Variants in EYS observed in about 807,000 individuals in gnomAD.
EYS encodes protein eyes shut homolog.
EYS carries 250 observed loss-of-function variants against 282.1 expected under a neutral mutation model. The observed-to-expected ratio is 0.89, with a 90% CI of 0.80 to 0.98. The LOEUF is 0.98. Ranked by LOEUF, EYS falls within the 50% of genes least tolerant of loss-of-function variation. EYS has a pLI of 0.00. For missense variants in EYS, 4,016 were observed against 3,709.0 expected, an observed-to-expected ratio of 1.08 and a Z score of -2.15; for synonymous variants, 1,355 against 1,282.9, an observed-to-expected ratio of 1.06 and a Z score of -1.20.
At chr6:64,819,230 G>A (rs1241276429) in intron 21 of EYS, among the ~76,000 whole-genome samples, 1 of 152,014 alleles carries the variant, frequency 6.6e-6, no homozygotes, top group African/African-American at 2.4e-5. Flanking sequence ...GGTCAGGTAG[G>A]AAATATATCT....
chr6:64,615,066 G>A (rs1282260915), intron 24 of EYS, among the ~76,000 whole-genome samples: 1 of 152,034 alleles, frequency 6.6e-6, no homozygotes, highest in African/African-American at 2.4e-5. Context: ...CTATTCTAGT[G>A]CTAGAATGCC....
intron 33 of EYS, among the ~76,000 whole-genome samples, chr6:64,020,495 T>A (rs1769137711): frequency 6.6e-6 from 1 of 152,142 alleles, no homozygotes; most frequent in African/African-American, 2.4e-5. Context: ...TAAGGTAGAT[T>A]ATGTTCACTA....
chr6:63,733,620 T>C (rs575940473), intron 41 of EYS, among the ~76,000 whole-genome samples: 2 of 152,334 alleles, frequency 1.3e-5, no homozygotes, highest in East Asian at 3.9e-4. Flanking sequence ...TTTTCAATGA[T>C]GCTAGTAAGA....
intron 5 of EYS, among the ~76,000 whole-genome samples, chr6:65,432,970 C>A: frequency 6.6e-6 from 1 of 151,874 alleles, no homozygotes. Flanking sequence ...GGAAGATAGA[C>A]TGGTAATTAA....
intron 22 of EYS, among the ~76,000 whole-genome samples, chr6:64,753,004 G>C (rs556076139): frequency 2.2e-4 from 33 of 152,194 alleles, no homozygotes; most frequent in Non-Finnish European, 4.4e-4. Flanking sequence ...GCTAAACAAG[G>C]CTTAATACAT....
At chr6:64,150,391 T>A (rs111664787) in intron 31 of EYS, among the ~76,000 whole-genome samples, 37 of 152,336 alleles carry the variant, frequency 2.4e-4, no homozygotes, top group Non-Finnish European at 2.4e-4. Flanking sequence ...TCTCTAGATG[T>A]GGTTAACAGA....
At chr6:64,830,160 A>G (rs2150027470) in intron 19 of EYS, among the ~76,000 whole-genome samples, 1 of 152,134 alleles carries the variant, frequency 6.6e-6, no homozygotes, top group African/African-American at 2.4e-5. Flanking sequence ...CCATGTGAGG[A>G]CATGGCTAGA....
At chr6:63,975,391 T>C (rs1020466700) in intron 35 of EYS, among the ~76,000 whole-genome samples, 5 of 152,012 alleles carry the variant, frequency 3.3e-5, no homozygotes, top group African/African-American at 1.2e-4. Context: ...ACATATCCTA[T>C]TTTAATCAGA....
At chr6:65,507,073 A>G (rs1766687718) in intron 2 of EYS, among the ~76,000 whole-genome samples, 1 of 150,756 alleles carries the variant, frequency 6.6e-6, no homozygotes, top group Non-Finnish European at 1.5e-5. Context: ...GACCTATATT[A>G]TTTCACTCTC....
chr6:64,561,063 C>A (rs1765379218), intron 26 of EYS, among the ~76,000 whole-genome samples: 1 of 152,156 alleles, frequency 6.6e-6, no homozygotes, highest in Non-Finnish European at 1.5e-5. Flanking sequence ...TGTGATTCAT[C>A]ACGTAAACAG....
At chr6:64,971,464 A>AG (rs1298307692) in intron 14 of EYS, among the ~76,000 whole-genome samples, 2 of 152,166 alleles carry the variant, frequency 1.3e-5, no homozygotes, top group African/African-American at 2.4e-5. Flanking sequence ...CTAAGTTTGA[A>AG]GGGAAAAAAA....
intron 35 of EYS, among the ~76,000 whole-genome samples, chr6:63,894,568 T>C (rs537265369): frequency 6.8e-6 from 1 of 148,052 alleles, no homozygotes; most frequent in Non-Finnish European, 1.5e-5. Context: ...AAATCTGTTG[T>C]TTTTTTTTGT....
chr6:65,605,124 C>A (rs1765742467), intron 2 of EYS, among the ~76,000 whole-genome samples: 1 of 151,272 alleles, frequency 6.6e-6, no homozygotes, highest in Non-Finnish European at 1.5e-5. Context: ...AGATTACAGG[C>A]ATGAGTCACC....
intron 5 of EYS, among the ~76,000 whole-genome samples, chr6:65,424,546 G>T (rs1767590692): frequency 6.6e-6 from 1 of 151,828 alleles, no homozygotes; most frequent in Admixed American, 6.6e-5. Context: ...GATTTTCCAT[G>T]TTTAATGAAA....
At chr6:65,515,708 G>C (rs921684156) in intron 2 of EYS, among the ~76,000 whole-genome samples, 1 of 146,042 alleles carries the variant, frequency 6.8e-6, no homozygotes, top group Non-Finnish European at 1.5e-5. Context: ...ACCAAACACC[G>C]CATATTCTCA....
chr6:64,189,688 G>A (rs1765046951), intron 31 of EYS, among the ~76,000 whole-genome samples: 6 of 151,924 alleles, frequency 3.9e-5, no homozygotes, highest in Admixed American at 1.3e-4. Context: ...GAAAAGCTGA[G>A]GTTTTCTGGA....
chr6:64,763,031 C>T (rs1773211614), intron 22 of EYS, among the ~76,000 whole-genome samples: 1 of 152,076 alleles, frequency 6.6e-6, no homozygotes, highest in Admixed American at 6.5e-5. Context: ...GAATTATGAA[C>T]ACAATATAAA....
intron 22 of EYS, among the ~76,000 whole-genome samples, chr6:64,751,638 A>T (rs1772760852): frequency 6.6e-6 from 1 of 152,226 alleles, no homozygotes; most frequent in East Asian, 1.9e-4. Context: ...AAGATCATTC[A>T]TATACCCATC....
chr6:65,071,975 A>G (rs1773916609), intron 12 of EYS, among the ~76,000 whole-genome samples: 1 of 151,738 alleles, frequency 6.6e-6, no homozygotes, highest in African/African-American at 2.4e-5. Context: ...CTTGATATTG[A>G]CTTTCCAGCC....
Sources: gnomAD v4.1 joint callset for allele counts (sites outside exome capture counted in the v4.1 genomes callset) on GRCh38, gnomAD v4.1.1 for gene constraint, MANE v1.5 for transcripts, NCBI Gene and HGNC (gene_info 2026-07-23, HGNC 2026-07-21) for gene names.